The following IMMP2L variants were observed in gnomAD, a reference collection of about 807,000 sequenced individuals.
The protein encoded by IMMP2L is mitochondrial inner membrane protease subunit 2.
In IMMP2L, 18 loss-of-function variants were observed where a neutral mutation model predicts 19.3. The ratio of observed to expected loss-of-function variants is 0.93; its 90% CI spans 0.64 to 1.38. The LOEUF (loss-of-function observed/expected upper bound fraction) is 1.38. Among genes scored for constraint, IMMP2L ranks in the 40% most tolerant of loss-of-function variants. The pLI is 0.00. For synonymous variants in IMMP2L, 76 were observed against 73.0 expected (o/e 1.04, Z -0.21); for missense variants, 233 against 218.2 (o/e 1.07, Z -0.43).
chr7:111,080,269 G>A (rs767260001), intron 3 of IMMP2L, among the ~76,000 whole-genome samples: 14 of 152,040 alleles, frequency 9.2e-5, no homozygotes, highest in South Asian at 2.1e-4. Flanking sequence ...GGTACTTGGA[G>A]GCATTTTGAA....
At chr7:110,929,011 CCCATCTCTGTGT>C (rs1354147089) in intron 4 of IMMP2L, among the ~76,000 whole-genome samples, 2 of 152,056 alleles carry the variant, frequency 1.3e-5, no homozygotes, top group East Asian at 3.9e-4. Context: ...AAATCACTAG[CCCATCTCTGTGT>C]TTTACTTTAT....
intron 5 of IMMP2L, among the ~76,000 whole-genome samples, chr7:110,805,560 A>G (rs1057498115): frequency 6.6e-6 from 1 of 152,086 alleles, no homozygotes; most frequent in Non-Finnish European, 1.5e-5. Context: ...TTTTAAAATA[A>G]CATTAAAAAA....
chr7:111,320,415 G>A (rs1824562304), intron 3 of IMMP2L, among the ~76,000 whole-genome samples: 1 of 151,936 alleles, frequency 6.6e-6, no homozygotes, highest in Non-Finnish European at 1.5e-5. Flanking sequence ...TATAATTTCT[G>A]ACCTAGGTGA....
At chr7:110,704,853 C>T (rs1458656620) in intron 5 of IMMP2L, among the ~76,000 whole-genome samples, 4 of 152,174 alleles carry the variant, frequency 2.6e-5, no homozygotes, top group African/African-American at 7.2e-5. Flanking sequence ...TTGTCTAATA[C>T]TACCCCTCAT....
chr7:111,217,745 T>C (rs1812105815), intron 3 of IMMP2L, among the ~76,000 whole-genome samples: 1 of 152,130 alleles, frequency 6.6e-6, no homozygotes, highest in Admixed American at 6.6e-5. Context: ...AAAATTATGA[T>C]ACTAAACAAT....
chr7:111,029,990 T>G (rs4141112), intron 3 of IMMP2L, among the ~76,000 whole-genome samples: 1 of 151,918 alleles, frequency 6.6e-6, no homozygotes, highest in Non-Finnish European at 1.5e-5. Context: ...TCACAAATCA[T>G]AGAATCCCAA....
At chr7:111,039,290 A>T (rs1791649839) in intron 3 of IMMP2L, among the ~76,000 whole-genome samples, 6 of 152,214 alleles carry the variant, frequency 3.9e-5, no homozygotes, top group Admixed American at 3.3e-4. Context: ...TCAAATGACA[A>T]CTGGCGTAAA....
At chr7:110,777,400 C>T (rs1489415690) in intron 5 of IMMP2L, among the ~76,000 whole-genome samples, 4 of 152,028 alleles carry the variant, frequency 2.6e-5, no homozygotes, top group East Asian at 3.9e-4. Context: ...TCATCCGGGA[C>T]AATTTGAAAG....
chr7:111,503,357 C>A (rs1389210691), intron 2 of IMMP2L, among the ~76,000 whole-genome samples: 1 of 152,014 alleles, frequency 6.6e-6, no homozygotes, highest in Non-Finnish European at 1.5e-5. Flanking sequence ...AAGTCCAGGA[C>A]CAGATGGATT....
At chr7:111,081,364 A>C (rs1428276671) in intron 3 of IMMP2L, among the ~76,000 whole-genome samples, 2 of 152,224 alleles carry the variant, frequency 1.3e-5, no homozygotes, top group African/African-American at 4.8e-5. Flanking sequence ...CACATTTATA[A>C]TTTTTTAGTA....
intron 5 of IMMP2L, among the ~76,000 whole-genome samples, chr7:110,762,951 C>T (rs1798439877): frequency 6.6e-6 from 1 of 152,098 alleles, no homozygotes; most frequent in African/African-American, 2.4e-5. Flanking sequence ...TAATTTTAAC[C>T]ATTCTCTTTT....
intron 4 of IMMP2L, among the ~76,000 whole-genome samples, chr7:110,909,873 A>G (rs1474398698): frequency 6.6e-6 from 1 of 151,930 alleles, no homozygotes; most frequent in Non-Finnish European, 1.5e-5. Flanking sequence ...TTAGAAAAGC[A>G]TCAGTGTTAA....
chr7:111,361,198 A>T (rs992681920), intron 3 of IMMP2L, among the ~76,000 whole-genome samples: 2 of 152,154 alleles, frequency 1.3e-5, no homozygotes, highest in African/African-American at 4.8e-5. Flanking sequence ...CTATTGCTGT[A>T]GTAGAAATAA....
intron 3 of IMMP2L, among the ~76,000 whole-genome samples, chr7:111,330,785 CA>C (rs1825798462): frequency 1.3e-5 from 2 of 151,834 alleles, no homozygotes; most frequent in Admixed American, 1.3e-4. Context: ...AAAAATTTCT[CA>C]AAAGAAGACA....
In IMMP2L at chr7:110,712,207, G is replaced by T. The variant is rs1254585209; in HGVS notation, c.409-48486C>A. ...GTTTTCGGTGTAGATGTCCTTTCTG[G>T]TTGTTAGTTTTCCTTCTAAGAGACA... is the stretch of plus-strand genomic sequence containing the variant. On this transcript the variant is annotated intron_variant, in intron 5 of 5. Coordinates refer to ENST00000405709, the MANE Select transcript of IMMP2L (RefSeq NM_032549.4). 1.5e-5 allele frequency among the ~76,000 whole-genome samples: 2 copies of T among 135,732 alleles called. 1 individual carries two copies. Among genetic ancestry groups the T allele is most frequent in the Admixed American group, 1.6e-4 (2 of 12,824 alleles). The allele number at this position is 135,732 out of a possible 152,430, so 89.0% of individuals were successfully genotyped here.
At chr7:111,551,495 G>GGT (rs60697579) in intron 1 of IMMP2L, among the ~76,000 whole-genome samples, 31,513 of 145,146 alleles carry the variant, frequency 0.22, 3,549 homozygotes, top group East Asian at 0.45. Flanking sequence ...GACTGTTAGA[G>GGT]GTGTGTGTGT....
intron 3 of IMMP2L, among the ~76,000 whole-genome samples, chr7:110,990,549 TG>T (rs1822349716): frequency 6.6e-6 from 1 of 152,230 alleles, no homozygotes; most frequent in Non-Finnish European, 1.5e-5. Flanking sequence ...ATGAGGAAGC[TG>T]AAATTGTAGA....
chr7:111,281,086 AAGAGAGAG>A (rs56889793), intron 3 of IMMP2L, among the ~76,000 whole-genome samples: 2 of 132,100 alleles, frequency 1.5e-5, no homozygotes, highest in African/African-American at 6.2e-5. Context: ...GAAAGAAGGA[AAGAGAGAG>A]AAAGAGAGAA....
At chr7:110,820,217 A>C (rs1802901432) in intron 5 of IMMP2L, among the ~76,000 whole-genome samples, 1 of 152,102 alleles carries the variant, frequency 6.6e-6, no homozygotes, top group Non-Finnish European at 1.5e-5. Flanking sequence ...ATTCATATTT[A>C]TGAAATGCTC....
Sources: allele counts gnomAD v4.1 joint callset (sites outside exome capture counted in the v4.1 genomes callset), GRCh38; gene constraint gnomAD v4.1.1; transcripts MANE v1.5; gene names NCBI Gene and HGNC (gene_info 2026-07-23, HGNC 2026-07-21).